C10orf90: variants seen among roughly 807,000 people sequenced by gnomAD.
The protein encoded by C10orf90 is (E2-independent) E3 ubiquitin-conjugating enzyme FATS.
In C10orf90, 56 loss-of-function variants were observed where a neutral mutation model predicts 62.5. That is an observed-to-expected ratio of 0.90 (90% CI 0.72 to 1.12). The LOEUF (loss-of-function observed/expected upper bound fraction) is 1.12. C10orf90 is among the 50% of genes most tolerant of loss of function. The pLI is 0.00. For synonymous variants in C10orf90, 386 were observed against 340.4 expected (o/e 1.13, Z -1.47); for missense variants, 970 against 880.4 (o/e 1.10, Z -1.29).
chr10:126,472,319 C>T (rs967058757), intron 4 of C10orf90, among the ~76,000 whole-genome samples: 2 of 152,124 alleles, frequency 1.3e-5, no homozygotes, highest in African/African-American at 4.8e-5. Flanking sequence ...AATTAAAATA[C>T]TGACAATCTG....
At chr10:126,639,988 C>T (rs1846027569) in intron 2 of C10orf90, among the ~76,000 whole-genome samples, 1 of 152,174 alleles carries the variant, frequency 6.6e-6, no homozygotes, top group African/African-American at 2.4e-5. Context: ...TAAGAGGACA[C>T]ACAGGTGTCA....
At chr10:126,445,284 A>G (rs894277372) in intron 7 of C10orf90, among the ~76,000 whole-genome samples, 1 of 152,204 alleles carries the variant, frequency 6.6e-6, no homozygotes, top group African/African-American at 2.4e-5. Flanking sequence ...CAAAGGACAA[A>G]TATCCAGAAT....
At chr10:126,469,210 A>G (rs919890153) in intron 4 of C10orf90, among the ~76,000 whole-genome samples, 1 of 152,232 alleles carries the variant, frequency 6.6e-6, no homozygotes, top group Non-Finnish European at 1.5e-5. Flanking sequence ...TAAATGACAT[A>G]CAGAACTCAC....
chr10:126,529,369 T>C (rs891906665), intron 2 of C10orf90, among the ~76,000 whole-genome samples: 5 of 152,212 alleles, frequency 3.3e-5, no homozygotes, highest in Non-Finnish European at 5.9e-5. Context: ...GTTTGATAAT[T>C]TCAATCATTT....
chr10:126,579,267 CTTTCTTTCTT>C (rs1214562743), intron 2 of C10orf90, among the ~76,000 whole-genome samples: 1 of 130,286 alleles, frequency 7.7e-6, no homozygotes, highest in African/African-American at 2.9e-5. Context: ...TTCTTTCTTT[CTTTCTTTCTT>C]TTTTTTTTTT....
At chr10:126,471,292 CA>C (rs1198905762) in intron 4 of C10orf90, among the ~76,000 whole-genome samples, 3 of 152,198 alleles carry the variant, frequency 2.0e-5, no homozygotes, top group Admixed American at 6.5e-5. Context: ...AGGAAGCAGA[CA>C]TGGAGGGGGC....
intron 2 of C10orf90, among the ~76,000 whole-genome samples, chr10:126,599,463 G>T (rs370625064): frequency 1.3e-5 from 2 of 151,652 alleles, no homozygotes; most frequent in African/African-American, 4.8e-5. Flanking sequence ...GCCTCCCAAA[G>T]TGCTGGATTC....
At chr10:126,439,071 C>A (rs922734450) in intron 7 of C10orf90, among the ~76,000 whole-genome samples, 8 of 152,154 alleles carry the variant, frequency 5.3e-5, no homozygotes, top group Admixed American at 3.3e-4. Flanking sequence ...TCAAGAGAAA[C>A]CCCCTTGGCC....
chr10:126,625,551 T>A (rs1845726088), intron 2 of C10orf90, among the ~76,000 whole-genome samples: 1 of 152,176 alleles, frequency 6.6e-6, no homozygotes, highest in South Asian at 2.1e-4. Flanking sequence ...TCCTGTCTGG[T>A]TGGCTCCAGT....
At chr10:126,649,230 C>T (rs191751858) in intron 1 of C10orf90, among the ~76,000 whole-genome samples, 6 of 152,230 alleles carry the variant, frequency 3.9e-5, no homozygotes, top group East Asian at 1.9e-4. Flanking sequence ...GAACTTCTTT[C>T]GTCAGCTGGA....
intron 2 of C10orf90, among the ~76,000 whole-genome samples, chr10:126,632,005 A>G (rs910699848): frequency 6.6e-6 from 1 of 152,046 alleles, no homozygotes; most frequent in African/African-American, 2.4e-5. Context: ...GGCCTTGGAG[A>G]GCAGCCCCAG....
chr10:126,497,739 G>T (rs1862144126), intron 4 of C10orf90, among the ~76,000 whole-genome samples: 1 of 152,194 alleles, frequency 6.6e-6, no homozygotes, highest in African/African-American at 2.4e-5. Flanking sequence ...GAGCTATAAG[G>T]TCTCTGTCCC....
At chr10:126,501,600 C>T (rs1490786321) in intron 4 of C10orf90, among the ~76,000 whole-genome samples, 2 of 152,146 alleles carry the variant, frequency 1.3e-5, no homozygotes. Context: ...CTACCCCCTG[C>T]TCTAGTTACC....
In C10orf90 at chr10:126,456,455, G is replaced by A. The variant is rs372285017; in HGVS notation, c.2188+2585C>T. Among the ~76,000 whole-genome samples the A allele has an allele frequency of 7.2e-5, 11 of 152,324 alleles. No individual in the cohort carries two copies. The East Asian group carries it at 1.5e-3, about 21-fold the overall frequency. ...GTACTCAGTTAACATTCTGAACTGA[G>A]CCTGGTTACCTTTTATTACATACAA... On this transcript the variant is annotated intron_variant, in intron 7 of 9. Transcript: ENST00000488181. This position sits in a 1 kb window ranked among gnomAD's most constrained non-coding sequence, Gnocchi z 4.9.
At position 126,621,109 on chromosome 10, in the gene C10orf90, T is replaced by C. The variant is rs796163534; in HGVS notation, c.313+25456A>G. ...AGGTTGCTTTTGATTTTTCTTAGAA[T>C]AGATAATACTGCTATGAACATCTTC... On this transcript the variant is annotated intron_variant, in intron 2 of 9. Transcript: ENST00000488181. Among the ~76,000 whole-genome samples the C allele has an allele frequency of 1.1e-4, 17 of 152,376 alleles. 1 individual carries two copies. Among genetic ancestry groups the C allele is most frequent in the African/African-American group, 3.6e-4 (15 of 41,600 alleles).
intron 4 of C10orf90, among the ~76,000 whole-genome samples, chr10:126,490,406 A>AAGTTAGTGTTTAATGGGG (rs1279636656): frequency 4.0e-5 from 6 of 151,054 alleles, no homozygotes; most frequent in Non-Finnish European, 7.4e-5. Context: ...GTCTAATGGG[A>AAGTTAGTGTTTAATGGGG]AGTTAGTGTT....
intron 2 of C10orf90, among the ~76,000 whole-genome samples, chr10:126,526,005 C>T (rs1322777082): frequency 6.8e-6 from 1 of 147,224 alleles, no homozygotes; most frequent in Admixed American, 6.9e-5. Flanking sequence ...GCCTAAATAG[C>T]TTGTCCACAC....
chr10:126,610,354 C>G (rs1012789216), intron 2 of C10orf90, among the ~76,000 whole-genome samples: 19 of 152,256 alleles, frequency 1.2e-4, no homozygotes, highest in African/African-American at 4.6e-4. Flanking sequence ...CCCCTGTCCA[C>G]CTCCAGCAGG....
intron 2 of C10orf90, chr10:126,522,970 G>T (rs999104052): frequency 6.6e-6 from 1 of 152,166 alleles, no homozygotes; most frequent in Non-Finnish European, 1.5e-5. Context: ...ATTAAATGAG[G>T]CAAATAAAGG....
Sources: allele counts gnomAD v4.1 joint callset (sites outside exome capture counted in the v4.1 genomes callset), GRCh38; gene constraint gnomAD v4.1.1; non-coding constraint Gnocchi (gnomAD v3.1); transcripts MANE v1.5; gene names NCBI Gene and HGNC (gene_info 2026-07-23, HGNC 2026-07-21).